The following RANBP17 variants were observed in gnomAD, a reference collection of about 807,000 sequenced individuals.
RANBP17 encodes the protein RAN binding protein 17.
RANBP17 carries 158 observed loss-of-function variants against 141.2 expected under a neutral mutation model. The observed-to-expected ratio is 1.12, with a 90% CI of 0.98 to 1.28. The LOEUF (loss-of-function observed/expected upper bound fraction) is 1.28. Among genes scored for constraint, RANBP17 ranks in the 50% most tolerant of loss-of-function variants. The pLI, the probability that RANBP17 is intolerant of heterozygous loss-of-function variation, is 0.00. For missense variants in RANBP17, 1,438 were observed against 1,290.7 expected (o/e 1.11, Z -1.75); for synonymous variants, 430 against 450.0 (o/e 0.96, Z 0.56).
chr5:171,140,251 A>G (rs943227646), intron 14 of RANBP17, among the ~76,000 whole-genome samples: 2 of 152,196 alleles, frequency 1.3e-5, no homozygotes, highest in Admixed American at 1.3e-4. Flanking sequence ...TATTAAATTA[A>G]TATCTGTCTC....
chr5:171,107,845 T>C (rs1754959853), intron 14 of RANBP17, among the ~76,000 whole-genome samples: 1 of 152,242 alleles, frequency 6.6e-6, no homozygotes, highest in Admixed American at 6.5e-5. Context: ...TGGTGAAGGT[T>C]AATGCGTGCT....
chr5:171,216,131 T>C (rs190334238), intron 21 of RANBP17, among the ~76,000 whole-genome samples: 332 of 152,334 alleles, frequency 2.2e-3, no homozygotes, highest in African/African-American at 7.7e-3. Flanking sequence ...GCTAGCCAGT[T>C]TTCCCAGCAC....
At chr5:171,021,111 T>G (rs898162902) in intron 14 of RANBP17, among the ~76,000 whole-genome samples, 1 of 152,244 alleles carries the variant, frequency 6.6e-6, no homozygotes, top group African/African-American at 2.4e-5. Flanking sequence ...CCCACTCTTC[T>G]GGCTTATAGG....
intron 18 of RANBP17, among the ~76,000 whole-genome samples, chr5:171,188,273 A>G (rs1021214641): frequency 6.6e-6 from 1 of 152,234 alleles, no homozygotes; most frequent in Non-Finnish European, 1.5e-5. Context: ...ATCATCTGCT[A>G]CCTTAGGCAA....
chr5:170,919,961 A>G (rs1342452036), intron 11 of RANBP17, among the ~76,000 whole-genome samples: 2 of 152,002 alleles, frequency 1.3e-5, no homozygotes, highest in African/African-American at 2.4e-5. Context: ...ACTTAGCATA[A>G]TGCATTTGAG....
chr5:170,916,699 T>A, intron 9 of RANBP17, 115 bp downstream of exon 9: 2 of 603,220 alleles, frequency 3.3e-6, no homozygotes, highest in Non-Finnish European at 5.3e-6. Flanking sequence ...TTTAGTATCA[T>A]ATATATCTTC....
chr5:171,093,788 G>A (rs951114828), intron 14 of RANBP17, among the ~76,000 whole-genome samples: 1 of 152,164 alleles, frequency 6.6e-6, no homozygotes, highest in African/African-American at 2.4e-5. Context: ...TTGGGCAATA[G>A]AGTAATGCAG....
chr5:171,049,266 C>T (rs1171454130), intron 14 of RANBP17, among the ~76,000 whole-genome samples: 1 of 152,132 alleles, frequency 6.6e-6, no homozygotes, highest in African/African-American at 2.4e-5. Flanking sequence ...TTGTTGGCTG[C>T]ATGTATGTCT....
chr5:170,958,370 G>C (rs1396737126), intron 13 of RANBP17, among the ~76,000 whole-genome samples: 1 of 152,156 alleles, frequency 6.6e-6, no homozygotes, highest in Non-Finnish European at 1.5e-5. Flanking sequence ...AACTGTGAGA[G>C]TCTTTTCTGG....
At chr5:170,974,699 C>A (rs909178376) in intron 14 of RANBP17, among the ~76,000 whole-genome samples, 1 of 152,178 alleles carries the variant, frequency 6.6e-6, no homozygotes, top group African/African-American at 2.4e-5. Flanking sequence ...GCCACACCCC[C>A]ATGGCTTGAG....
At chr5:171,132,328 G>A (rs1347789044) in intron 14 of RANBP17, among the ~76,000 whole-genome samples, 1 of 151,794 alleles carries the variant, frequency 6.6e-6, no homozygotes, top group African/African-American at 2.4e-5. Flanking sequence ...AGGAAGGAAG[G>A]CTGGCTTAAA....
At chr5:171,128,533 C>T (rs1756666008) in intron 14 of RANBP17, among the ~76,000 whole-genome samples, 1 of 152,098 alleles carries the variant, frequency 6.6e-6, no homozygotes, top group South Asian at 2.1e-4. Context: ...GATGAACCCT[C>T]AGAGGGGTTA....
chr5:171,064,444 A>T (rs1784161391), intron 14 of RANBP17, among the ~76,000 whole-genome samples: 1 of 152,238 alleles, frequency 6.6e-6, no homozygotes, highest in Non-Finnish European at 1.5e-5. Context: ...CATAATTAAC[A>T]AGCATTTTTA....
At chr5:170,897,323 G>A (rs1770218045) in intron 5 of RANBP17, 9 of 587,252 alleles carry the variant, frequency 1.5e-5, no homozygotes, top group Non-Finnish European at 2.6e-5. Context: ...AGGAGAATCA[G>A]GATCTGGGCT....
chr5:170,975,531 A>G (rs559214804), intron 14 of RANBP17, among the ~76,000 whole-genome samples: 1 of 152,344 alleles, frequency 6.6e-6, no homozygotes, highest in Non-Finnish European at 1.5e-5. Context: ...TGTCTCAAAA[A>G]ATAAAAGAAA....
At chr5:171,258,311 C>T (rs941396427) in intron 24 of RANBP17, among the ~76,000 whole-genome samples, 1 of 152,002 alleles carries the variant, frequency 6.6e-6, no homozygotes, top group African/African-American at 2.4e-5. Context: ...CCATATTGCC[C>T]AGAGTAATGT....
rs1767590825 is a variant in RANBP17 at position 170,870,066 on chromosome 5, C to T, written c.18+8015C>T. Among the ~76,000 whole-genome samples the T allele has an allele frequency of 2.0e-5, 3 of 152,038 alleles. No homozygotes were observed. In the South Asian group the frequency reaches 6.2e-4, roughly 32 times the overall value. On this transcript the variant is annotated intron_variant, in intron 1 of 27. Transcript: ENST00000523189. ...AATCTTAGGCCTAGATGAATGCATG[C>T]CAGCAGGATCAGTTTATTAATTATA... is the stretch of plus-strand genomic sequence containing the variant.
chr5:171,046,764 G>C (rs1191966746), intron 14 of RANBP17, among the ~76,000 whole-genome samples: 2 of 152,020 alleles, frequency 1.3e-5, no homozygotes, highest in East Asian at 3.9e-4. Context: ...GAAGCAGTTT[G>C]AACCTCACTC....
At chr5:171,102,371 C>T (rs1464284389) in intron 14 of RANBP17, among the ~76,000 whole-genome samples, 3 of 151,728 alleles carry the variant, frequency 2.0e-5, no homozygotes, top group Non-Finnish European at 2.9e-5. Context: ...TCCTTTCTTC[C>T]GCTTGATTGA....
Sources: gnomAD v4.1 joint callset for allele counts (sites outside exome capture counted in the v4.1 genomes callset) on GRCh38, gnomAD v4.1.1 for gene constraint, MANE v1.5 for transcripts, NCBI Gene and HGNC (gene_info 2026-07-23, HGNC 2026-07-21) for gene names.